EVI5: variants seen among roughly 807,000 people sequenced by gnomAD.
EVI5 encodes ecotropic viral integration site 5 protein homolog.
EVI5 carries 73 observed loss-of-function variants against 112.0 expected under a neutral mutation model. The observed-to-expected ratio is 0.65, with a 90% confidence interval of 0.54 to 0.79. EVI5 has a LOEUF of 0.79. Ranked by LOEUF, EVI5 falls within the 30% of genes least tolerant of loss-of-function variation. The probability of loss-of-function intolerance (pLI) is 0.00; values close to 1 mark genes in which losing one functional copy is unlikely to be tolerated. For missense variants in EVI5, 900 were observed against 968.8 expected (o/e 0.93, Z 0.94); for synonymous variants, 305 against 319.9 (o/e 0.95, Z 0.50).
At chr1:92,660,908 C>A (rs148182738) in intron 13 of EVI5, among the ~76,000 whole-genome samples, 1 of 151,882 alleles carries the variant, frequency 6.6e-6, no homozygotes, top group East Asian at 1.9e-4. Context: ...AGCTACATAC[C>A]TACATTTGAT....
upstream of EVI5, among the ~76,000 whole-genome samples, chr1:92,785,371 G>C (rs1685516181): frequency 6.6e-6 from 1 of 152,202 alleles, no homozygotes; most frequent in African/African-American, 2.4e-5. Flanking sequence ...CCCCCTCGGG[G>C]GCCCGAAGCG....
chr1:92,621,593 C>G (rs929944098), intron 16 of EVI5, among the ~76,000 whole-genome samples: 2 of 152,072 alleles, frequency 1.3e-5, no homozygotes, highest in African/African-American at 4.8e-5. Flanking sequence ...GGATTACATG[C>G]GTGAGCTACT....
intron 1 of EVI5, among the ~76,000 whole-genome samples, chr1:92,748,081 C>G (rs1188772920): frequency 1.3e-5 from 2 of 152,116 alleles, no homozygotes. Flanking sequence ...GGACACAATC[C>G]AATCTGTAAC....
At chr1:92,525,115 AC>A (rs1234955906) in intron 19 of EVI5, among the ~76,000 whole-genome samples, 1 of 152,162 alleles carries the variant, frequency 6.6e-6, no homozygotes, top group African/African-American at 2.4e-5. Flanking sequence ...CGCAGGAATC[AC>A]TGGCGCCCAG....
At chr1:92,580,968 TG>T (rs1557832446) in intron 18 of EVI5, 1 of 152,126 alleles carries the variant, frequency 6.6e-6, no homozygotes. Context: ...CCTTTCTTCT[TG>T]GTTGGGATTT....
At position 92,606,333 on chromosome 1, in the gene EVI5, C is replaced by T. The variant is rs1419715885; in HGVS notation, c.1975-931G>A. ...TGAGGAGCAATATTTAATCTAGTAA[C>T]ACCATTATCAAAATATGTTTAAGGA... On this transcript the variant is annotated intron_variant, in intron 17 of 19. Coordinates refer to ENST00000684568, the MANE Select transcript of EVI5 (RefSeq NM_001350197.2). Among the ~76,000 whole-genome samples, 3 of 152,102 alleles carry T rather than the reference C, an allele frequency of 2.0e-5. No individual in the cohort carries two copies. In the East Asian group the frequency reaches 5.8e-4, roughly 29 times the overall value.
chr1:92,709,950 T>A (rs1470158926), intron 2 of EVI5, among the ~76,000 whole-genome samples: 26 of 151,946 alleles, frequency 1.7e-4, no homozygotes, highest in African/African-American at 6.3e-4. Context: ...GCCTTGAGCT[T>A]GGCAGCTGGG....
chr1:92,565,649 A>T (rs1212083707), intron 18 of EVI5, among the ~76,000 whole-genome samples: 1 of 152,034 alleles, frequency 6.6e-6, no homozygotes, highest in Admixed American at 6.6e-5. Context: ...TACTAACATC[A>T]TTGGCAGGAA....
At chr1:92,746,475 C>T (rs1679258458) in intron 1 of EVI5, among the ~76,000 whole-genome samples, 1 of 152,184 alleles carries the variant, frequency 6.6e-6, no homozygotes. Context: ...CCTGAAATCC[C>T]AGCACTCTGG....
chr1:92,674,887 A>G (rs1666463917), intron 10 of EVI5, among the ~76,000 whole-genome samples: 1 of 152,150 alleles, frequency 6.6e-6, no homozygotes, highest in Non-Finnish European at 1.5e-5. Context: ...TGAGATCAGC[A>G]CTTTATTTAC....
At chr1:92,665,703 A>G (rs577583185) in intron 11 of EVI5, among the ~76,000 whole-genome samples, 1 of 152,364 alleles carries the variant, frequency 6.6e-6, no homozygotes, top group African/African-American at 2.4e-5. Context: ...AATAGTATCA[A>G]TATGTTACTG....
chr1:92,684,559 C>T (rs1044571050), intron 9 of EVI5, among the ~76,000 whole-genome samples: 5 of 152,178 alleles, frequency 3.3e-5, no homozygotes, highest in Admixed American at 6.5e-5. Flanking sequence ...ACAATATTAA[C>T]CTTAAATGTA....
At chr1:92,669,558 A>AAAAAAAAAAAAAAAAAAAAAAAAT (rs1414775378) in intron 10 of EVI5, among the ~76,000 whole-genome samples, 1 of 150,418 alleles carries the variant, frequency 6.6e-6, no homozygotes, top group Non-Finnish European at 1.5e-5. Flanking sequence ...AAAAAAAAAA[A>AAAAAAAAAAAAAAAAAAAAAAAAT]AAATCACTGG....
At chr1:92,642,088 G>A (rs1327123988) in intron 13 of EVI5, among the ~76,000 whole-genome samples, 2 of 151,892 alleles carry the variant, frequency 1.3e-5, no homozygotes, top group South Asian at 4.2e-4. Context: ...CCAAGACTGT[G>A]CCACTGCACT....
chr1:92,549,906 G>A (rs959180221), intron 19 of EVI5, among the ~76,000 whole-genome samples: 1 of 152,222 alleles, frequency 6.6e-6, no homozygotes, highest in African/African-American at 2.4e-5. Flanking sequence ...TGGTGGGACT[G>A]TAAACTAGTT....
At chr1:92,627,226 T>C (rs761551704) in intron 14 of EVI5, among the ~76,000 whole-genome samples, 1 of 152,204 alleles carries the variant, frequency 6.6e-6, no homozygotes, top group Non-Finnish European at 1.5e-5. Context: ...TGCATCCTCC[T>C]AGCTTAGCTC....
intron 19 of EVI5, among the ~76,000 whole-genome samples, chr1:92,553,756 T>C (rs6603987): frequency 0.85 from 129,629 of 152,190 alleles, 55,587 homozygotes; most frequent in East Asian, 0.97. Flanking sequence ...TATTACAGTT[T>C]TTCCCAGACT....
chr1:92,756,812 A>G, intron 1 of EVI5: 1 of 517,540 alleles, frequency 1.9e-6, no homozygotes, highest in South Asian at 1.4e-5. Flanking sequence ...ACTAGTGTTC[A>G]GGGCCTTGGG....
In EVI5 at chr1:92,609,565, C is replaced by T. The variant is rs1046192445; in HGVS notation, c.1828-1838G>A. 2.6e-5 allele frequency among the ~76,000 whole-genome samples: 4 copies of T among 152,148 alleles called. No individual in the cohort carries two copies. In the East Asian group the frequency reaches 7.7e-4, roughly 29 times the overall value. The stretch of plus-strand genomic sequence containing the variant: ...TAGAGACAGGGTTTCATCATGTTGG[C>T]CAGGCTGGTCTCGAACTCCTAACCT... On this transcript the variant is annotated intron_variant, in intron 16 of 19. Transcript: ENST00000684568.
Sources: allele counts gnomAD v4.1 joint callset (sites outside exome capture counted in the v4.1 genomes callset), GRCh38; gene constraint gnomAD v4.1.1; transcripts MANE v1.5; gene names NCBI Gene and HGNC (gene_info 2026-07-23, HGNC 2026-07-21).